The following RUSC2 variants were observed in gnomAD, a reference collection of about 807,000 sequenced individuals.
The protein encoded by RUSC2 is RUN and SH3 domain containing 2.
Under a neutral mutation model 122.2 loss-of-function variants are expected in RUSC2, and 34 were observed. That is an observed-to-expected ratio of 0.28 (90% confidence interval 0.21 to 0.37). The LOEUF is 0.37. RUSC2 is among the 10% of genes least tolerant of loss of function. The pLI, the probability that RUSC2 is intolerant of heterozygous loss-of-function variation, is 1.00. For synonymous variants in RUSC2, 784 were observed against 790.0 expected, an observed-to-expected ratio of 0.99 and a Z score of 0.13; for missense variants, 1,747 against 1,952.4, an observed-to-expected ratio of 0.89 and a Z score of 1.98.
rs1269968461 is a variant in RUSC2 at position 35,560,103 on chromosome 9, G to C, written c.3463G>C (p.Glu1155Gln). The part of the protein sequence containing the change: ...AHTVCPGLFE[E>Q]LLLLLQPLAL... ...TACCGTGTGTCCCGGCCTCTTTGAAGAGCTGCTGCTGCTGCTACAGCCCCT... is the reference window on the plus strand; with the variant it reads ...TACCGTGTGTCCCGGCCTCTTTGAACAGCTGCTGCTGCTGCTACAGCCCCT... The change falls in exon 10 of 12, where the codon GAG becomes CAG. Residue 1155 changes from glutamate (E) to glutamine (Q), a missense_variant. Transcript: ENST00000361226. The C allele has an allele frequency of 6.2e-7, 1 of 1,613,468 alleles. No homozygotes were observed. The highest frequency in any genetic ancestry group is 1.1e-5 in the South Asian group (1 of 91,086).
At position 35,559,106 on chromosome 9, in the gene RUSC2, A is replaced by G. The variant is rs943196607; in HGVS notation, c.3342-120A>G. On this transcript the variant is annotated intron_variant, in intron 8 of 11. Transcript: ENST00000361226. ...CACTGACTTTCTGGAATTAGGTGAA[A>G]TGAATCGTGCCATGGAAGGGCGTGT... 6.2e-6 allele frequency: 5 copies of G among 812,730 alleles called. No homozygotes were observed. In the East Asian group the frequency reaches 1.2e-4, roughly 20 times the overall value. 50.3% of individuals were successfully genotyped at this position (812,730 alleles called of 1,614,324 possible).
intron 1 of RUSC2, among the ~76,000 whole-genome samples, chr9:35,522,009 C>G (rs1169334026): frequency 6.6e-6 from 1 of 152,216 alleles, no homozygotes; most frequent in Non-Finnish European, 1.5e-5. Context: ...CAGTCCTAGA[C>G]ACCCACAGGA....
At chr9:35,544,734 A>G (rs1373558866) in intron 1 of RUSC2, among the ~76,000 whole-genome samples, 1 of 152,068 alleles carries the variant, frequency 6.6e-6, no homozygotes, top group Non-Finnish European at 1.5e-5. Flanking sequence ...TCTTGGTGGT[A>G]TCCTTTGAAG....
chr9:35,558,021 TGCCTGCAAGC>T lies in RUSC2; in HGVS notation c.3060+32_3060+41del. 6.2e-7 allele frequency: 1 copy of T among 1,606,798 alleles called. No individual in the cohort carries two copies. Among genetic ancestry groups the T allele is most frequent in the Non-Finnish European group, 8.5e-7 (1 of 1,173,330 alleles). On this transcript the variant is annotated intron_variant, in intron 6 of 11. Coordinates refer to ENST00000361226, the MANE Select transcript of RUSC2 (RefSeq NM_014806.5). This position sits in a 1 kb window ranked among gnomAD's most constrained non-coding sequence, Gnocchi z 4.3. The stretch of plus-strand genomic sequence containing the variant: ...CAAGGAAATGTGGAGAGCTGAGCTC[TGCCTGCAAGC>T]CCTCACCTGTCCCGCGCTACCACCT...
intron 1 of RUSC2, among the ~76,000 whole-genome samples, chr9:35,502,724 C>T (rs1256766482): frequency 6.6e-6 from 1 of 152,070 alleles, no homozygotes; most frequent in African/African-American, 2.4e-5. Context: ...TATAAGAAAT[C>T]TATGTTTGAA....
chr9:35,556,079 T>C lies in RUSC2; in HGVS notation c.2784T>C (p.Pro928=), dbSNP rs766753376. ...AAGCTCGGCTGGCCCGAAGAAACCC[T>C]ATCTTTGAGTTCCCTGGCTCCCTCA... ...SQEARLARRN[P]IFEFPGSLSA... is the part of the protein sequence containing the mutation. The change falls in exon 4 of 12, where the codon CCT becomes CCC. Residue 928 remains proline (P), a synonymous_variant. Coordinates refer to ENST00000361226, the MANE Select transcript of RUSC2 (RefSeq NM_014806.5). 19 of 1,614,090 alleles carry C rather than the reference T, an allele frequency of 1.2e-5. No individual in the cohort carries two copies. The highest frequency in any genetic ancestry group is 1.2e-5 in the Non-Finnish European group (14 of 1,180,032).
chr9:35,494,250 A>G (rs1820628000), intron 1 of RUSC2, among the ~76,000 whole-genome samples: 1 of 151,788 alleles, frequency 6.6e-6, no homozygotes, highest in South Asian at 2.1e-4. Context: ...CGGATCACCT[A>G]AGGTCAGGAG....
intron 1 of RUSC2, among the ~76,000 whole-genome samples, chr9:35,540,853 A>G (rs1384056006): frequency 6.6e-6 from 1 of 152,202 alleles, no homozygotes; most frequent in Non-Finnish European, 1.5e-5. Flanking sequence ...CAAATTGGGC[A>G]GACCTGGGAT....
Position 35,547,199 on chromosome 9 carries a change from C to T in RUSC2, c.678C>T (p.Asp226=). 6.2e-7 allele frequency: 1 copy of T among 1,614,160 alleles called. No individual in the cohort carries two copies. Among genetic ancestry groups the T allele is most frequent in the Non-Finnish European group, 8.5e-7 (1 of 1,180,038 alleles). The change falls in exon 2 of 12, where the codon GAC becomes GAT. Residue 226 remains aspartate, a synonymous_variant. Coordinates refer to ENST00000361226, the MANE Select transcript of RUSC2 (RefSeq NM_014806.5). The surrounding 1 kb of genome is among the most constrained non-coding windows in gnomAD (Gnocchi z 4.6). ...GASDTSGFSF[D]QEWKLSSDES... ...GCGATACCTCTGGCTTTTCCTTTGA[C>T]CAGGAATGGAAGCTCAGTTCAGATG...
intron 1 of RUSC2, among the ~76,000 whole-genome samples, chr9:35,491,589 C>A (rs1294194222): frequency 6.6e-6 from 1 of 152,214 alleles, no homozygotes; most frequent in African/African-American, 2.4e-5. Flanking sequence ...TGTTCTCATT[C>A]ATCCATTGCT....
chr9:35,536,776 T>A, intron 1 of RUSC2, among the ~76,000 whole-genome samples: 1 of 124,156 alleles, frequency 8.1e-6, no homozygotes. Flanking sequence ...ATCGCGCCAC[T>A]GCACTCCAGC....
At chr9:35,534,785 C>T (rs1182889852) in intron 1 of RUSC2, among the ~76,000 whole-genome samples, 1 of 151,942 alleles carries the variant, frequency 6.6e-6, no homozygotes, top group Admixed American at 6.6e-5. Context: ...GCCTGGCCCC[C>T]TTTGCCCATT....
chr9:35,547,751 A>G lies in RUSC2; in HGVS notation c.1230A>G (p.Pro410=). The change falls in exon 2 of 12, where the codon CCA becomes CCG. Residue 410 remains proline, a synonymous_variant. Coordinates refer to ENST00000361226, the MANE Select transcript of RUSC2 (RefSeq NM_014806.5). The surrounding 1 kb of genome is among the most constrained non-coding windows in gnomAD (Gnocchi z 4.6). ...VTCDLSSQSS[P]SPAGSSITSC... The stretch of plus-strand genomic sequence containing the variant: ...GTGACCTATCTTCCCAATCATCCCC[A>G]AGCCCTGCTGGCTCTTCCATCACTA... The G allele has an allele frequency of 6.2e-7, 1 of 1,614,024 alleles. No individual in the cohort carries two copies. The highest frequency in any genetic ancestry group is 1.6e-4 in the Middle Eastern group (1 of 6,062).
At position 35,557,808 on chromosome 9, in the gene RUSC2, G is replaced by A. The variant is rs1822054852; in HGVS notation, c.2984-106G>A. 1 of 874,746 alleles carries A rather than the reference G, an allele frequency of 1.1e-6. No individual in the cohort carries two copies. Among genetic ancestry groups the A allele is most frequent in the African/African-American group, 1.6e-5 (1 of 60,754 alleles). The allele number at this position is 874,746 out of a possible 1,614,324, so 54.2% of individuals were successfully genotyped here. On this transcript the variant is annotated intron_variant, in intron 5 of 11. Transcript: ENST00000361226. This position sits in a 1 kb window ranked among gnomAD's most constrained non-coding sequence, Gnocchi z 4.6. ...AGACCCATGTGCAGATGTGGAGACG[G>A]AGTAAGTGTGGGAGCCCTTTCCCTG... is the stretch of plus-strand genomic sequence containing the variant.
At position 35,547,624 on chromosome 9, in the gene RUSC2, C is replaced by G. The variant is rs1821786746; in HGVS notation, c.1103C>G (p.Pro368Arg). ...ELDANCNSYR[P>R]HCEPCPAVAD... ...GATGCCAACTGCAACTCCTACCGCC[C>G]ACACTGTGAGCCGTGCCCAGCAGTG... The change falls in exon 2 of 12, where the codon CCA becomes CGA. Residue 368 changes from proline to arginine, a missense_variant. Coordinates refer to ENST00000361226, the MANE Select transcript of RUSC2 (RefSeq NM_014806.5). This position sits in a 1 kb window ranked among gnomAD's most constrained non-coding sequence, Gnocchi z 4.6. The G allele has an allele frequency of 6.2e-7, 1 of 1,614,218 alleles. No individual in the cohort carries two copies. Among genetic ancestry groups the G allele is most frequent in the Non-Finnish European group, 8.5e-7 (1 of 1,180,042 alleles).
intron 1 of RUSC2, among the ~76,000 whole-genome samples, chr9:35,533,731 T>C (rs1176899900): frequency 6.6e-6 from 1 of 152,236 alleles, no homozygotes; most frequent in Non-Finnish European, 1.5e-5. Context: ...TATGTGACCT[T>C]CTGTGTTTCT....
chr9:35,533,414 T>A (rs1821462279), intron 1 of RUSC2, among the ~76,000 whole-genome samples: 1 of 152,204 alleles, frequency 6.6e-6, no homozygotes, highest in East Asian at 1.9e-4. Flanking sequence ...TCTGTGGAGC[T>A]GAGCAACACC....
At chr9:35,531,117 C>T (rs939804762) in intron 1 of RUSC2, among the ~76,000 whole-genome samples, 23 of 151,944 alleles carry the variant, frequency 1.5e-4, no homozygotes, top group Non-Finnish European at 3.1e-4. Context: ...AAAAATTAGC[C>T]GGGCTTGGTG....
At position 35,517,626 on chromosome 9, in the gene RUSC2, T is replaced by A. The variant is rs376341611; in HGVS notation, c.-93+27454T>A. Reference sequence around the variant, plus strand: ...AGTTAGTGGAAATTAATACCTTATGTCTAGGTAAGCATATTCCTATTTCGT... The same window carrying A: ...AGTTAGTGGAAATTAATACCTTATGACTAGGTAAGCATATTCCTATTTCGT... On this transcript the variant is annotated intron_variant, in intron 1 of 11. Coordinates refer to ENST00000361226, the MANE Select transcript of RUSC2 (RefSeq NM_014806.5). 1.1e-3 allele frequency among the ~76,000 whole-genome samples: 170 copies of A among 152,320 alleles called. 2 individuals carry two copies. The highest frequency in any genetic ancestry group is 3.8e-3 in the African/African-American group (160 of 41,576).
Sources: gnomAD v4.1 joint callset for allele counts (sites outside exome capture counted in the v4.1 genomes callset) on GRCh38, gnomAD v4.1.1 for gene constraint, Gnocchi (gnomAD v3.1) non-coding constraint, MANE v1.5 for transcripts, NCBI Gene and HGNC (gene_info 2026-07-23, HGNC 2026-07-21) for gene names.